Variants in SORCS2 observed in about 807,000 individuals in gnomAD.
The protein encoded by SORCS2 is sortilin related VPS10 domain containing receptor 2, also known as VPS10 domain-containing receptor SorCS2.
A neutral mutation model predicts 141.6 loss-of-function variants in SORCS2; 100 were observed. The ratio of observed to expected loss-of-function variants is 0.71; its 90% CI spans 0.60 to 0.83. The LOEUF is 0.83. Ranked by LOEUF, SORCS2 falls within the 40% of genes least tolerant of loss-of-function variation. The pLI is 0.00. For missense variants in SORCS2, 1,646 were observed against 1,560.2 expected (o/e 1.05, Z -0.93); for synonymous variants, 789 against 676.9 (o/e 1.17, Z -2.57).
chr4:7,507,319 C>T (rs985615200), intron 2 of SORCS2, among the ~76,000 whole-genome samples: 15 of 152,222 alleles, frequency 9.9e-5, no homozygotes, highest in African/African-American at 1.2e-4. Flanking sequence ...GGATTACAGG[C>T]GCGTGCCACC....
chr4:7,531,643 G>C lies in SORCS2; in HGVS notation c.648+14G>C. Reference sequence around the variant, plus strand: ...AACAAGAGGAAGGTAGGTGCTGGCTGGGGGTGGCCGCCACTCTGGCTCTCG... The same window carrying C: ...AACAAGAGGAAGGTAGGTGCTGGCTCGGGGTGGCCGCCACTCTGGCTCTCG... On this transcript the variant is annotated intron_variant, in intron 3 of 26. Coordinates refer to ENST00000507866, the MANE Select transcript of SORCS2 (RefSeq NM_020777.3). The C allele has an allele frequency of 6.2e-7, 1 of 1,609,500 alleles. No homozygotes were observed. Among genetic ancestry groups the C allele is most frequent in the South Asian group, 1.1e-5 (1 of 90,816 alleles).
chr4:7,432,247 G>GGC (rs1399044353), intron 2 of SORCS2: 1 of 152,132 alleles, frequency 6.6e-6, no homozygotes, highest in Non-Finnish European at 1.5e-5. Flanking sequence ...ATAAAAACAC[G>GGC]GCACACGGCA....
intron 1 of SORCS2, among the ~76,000 whole-genome samples, chr4:7,305,113 G>A (rs1717700918): frequency 6.6e-6 from 1 of 150,590 alleles, no homozygotes; most frequent in Non-Finnish European, 1.5e-5. Context: ...CTCACTGCAA[G>A]CTCCGCCTCC....
At chr4:7,385,977 T>G (rs1008168065) in intron 1 of SORCS2, among the ~76,000 whole-genome samples, 1 of 152,210 alleles carries the variant, frequency 6.6e-6, no homozygotes, top group African/African-American at 2.4e-5. Flanking sequence ...CCTCATGTTT[T>G]GGAGGCCAGA....
At chr4:7,455,670 C>G (rs1419154702) in intron 2 of SORCS2, among the ~76,000 whole-genome samples, 3 of 147,824 alleles carry the variant, frequency 2.0e-5, no homozygotes, top group Non-Finnish European at 4.5e-5. Flanking sequence ...TGGGGTCAGG[C>G]TCCGTGTTGG....
intron 1 of SORCS2, among the ~76,000 whole-genome samples, chr4:7,303,443 C>A (rs1012352630): frequency 2.6e-5 from 4 of 152,162 alleles, no homozygotes; most frequent in Non-Finnish European, 5.9e-5. Flanking sequence ...CCTCTATGCC[C>A]CTTTTTAGTT....
At chr4:7,463,655 A>G (rs191342489) in intron 2 of SORCS2, among the ~76,000 whole-genome samples, 24 of 152,308 alleles carry the variant, frequency 1.6e-4, no homozygotes, top group African/African-American at 5.8e-4. Flanking sequence ...AAATAAGATC[A>G]GTGATTTGTG....
rs371939690 is a variant in SORCS2 at position 7,486,452 on chromosome 4, C to T, written c.549-45078C>T. Reference sequence around the variant, plus strand: ...GGACAGGGTCACTGGGCCTGAGTCCCGTGTCTTGCAAGAAGGTCCCATTCA... The same window carrying T: ...GGACAGGGTCACTGGGCCTGAGTCCTGTGTCTTGCAAGAAGGTCCCATTCA... On this transcript the variant is annotated intron_variant, in intron 2 of 26. Transcript: ENST00000507866. Among the ~76,000 whole-genome samples, 8 of 152,286 alleles carry T rather than the reference C, an allele frequency of 5.3e-5. No individual in the cohort carries two copies. The East Asian group carries it at 5.8e-4, about 11-fold the overall frequency.
intron 1 of SORCS2, among the ~76,000 whole-genome samples, chr4:7,372,985 C>T (rs999842728): frequency 6.7e-6 from 1 of 148,856 alleles, no homozygotes; most frequent in Non-Finnish European, 1.5e-5. Flanking sequence ...TCGCCAGCTG[C>T]AGGACATCTT....
At chr4:7,311,575 T>C (rs1306176013) in intron 1 of SORCS2, among the ~76,000 whole-genome samples, 1 of 152,330 alleles carries the variant, frequency 6.6e-6, no homozygotes, top group East Asian at 1.9e-4. Context: ...GTCGTGTTTT[T>C]AGTTTTAGTC....
At chr4:7,235,604 C>T (rs1712211163) in intron 1 of SORCS2, among the ~76,000 whole-genome samples, 1 of 152,142 alleles carries the variant, frequency 6.6e-6, no homozygotes, top group South Asian at 2.1e-4. Context: ...GGGTGGCTTC[C>T]TGGGAAGGGG....
intron 4 of SORCS2, among the ~76,000 whole-genome samples, chr4:7,651,950 G>T (rs1218974574): frequency 6.6e-6 from 1 of 152,206 alleles, no homozygotes; most frequent in Non-Finnish European, 1.5e-5. Flanking sequence ...GGCTGCTTCA[G>T]GGAAGAAAGG....
At position 7,632,491 on chromosome 4, in the gene SORCS2, C is replaced by G. The variant is rs765722219; in HGVS notation, c.649-5837C>G. Among the ~76,000 whole-genome samples, 4 of 152,190 alleles carry G rather than the reference C, an allele frequency of 2.6e-5. No homozygotes were observed. In the East Asian group the frequency reaches 5.8e-4, roughly 22 times the overall value. On this transcript the variant is annotated intron_variant, in intron 3 of 26. Transcript: ENST00000507866. ...TCCCTGTCAGCACCTTCCTCTCCCC[C>G]GTCTTTCCTGGCTCACTCTCCCAAC...
intron 2 of SORCS2, among the ~76,000 whole-genome samples, chr4:7,439,214 G>T (rs979335891): frequency 6.6e-6 from 1 of 152,068 alleles, no homozygotes. Context: ...ACACACGTGT[G>T]TATATGTAAC....
chr4:7,586,175 T>A (rs1437766050), intron 3 of SORCS2, among the ~76,000 whole-genome samples: 1 of 152,214 alleles, frequency 6.6e-6, no homozygotes, highest in Non-Finnish European at 1.5e-5. Flanking sequence ...CTCTCATCTT[T>A]AGGGCCATTT....
chr4:7,470,500 C>A (rs1729908816), intron 2 of SORCS2, among the ~76,000 whole-genome samples: 1 of 152,232 alleles, frequency 6.6e-6, no homozygotes, highest in African/African-American at 2.4e-5. Flanking sequence ...GAGGCTTTAA[C>A]TGCCAGGCAA....
At chr4:7,508,917 G>A (rs1451598422) in intron 2 of SORCS2, among the ~76,000 whole-genome samples, 1 of 152,110 alleles carries the variant, frequency 6.6e-6, no homozygotes, top group Non-Finnish European at 1.5e-5. Context: ...AGTTCTGGAG[G>A]GGGCCCGGCT....
At chr4:7,550,692 C>A (rs1713632290) in intron 3 of SORCS2, among the ~76,000 whole-genome samples, 1 of 152,184 alleles carries the variant, frequency 6.6e-6, no homozygotes, top group Admixed American at 6.5e-5. Context: ...CTTATGAAGG[C>A]AGGAAACTTG....
At chr4:7,262,764 A>G (rs1482618726) in intron 1 of SORCS2, among the ~76,000 whole-genome samples, 3 of 152,324 alleles carry the variant, frequency 2.0e-5, no homozygotes, top group South Asian at 4.1e-4. Context: ...AGCCCTCAGC[A>G]GGGACTCCCT....
Sources: gnomAD v4.1 joint callset for allele counts (sites outside exome capture counted in the v4.1 genomes callset) on GRCh38, gnomAD v4.1.1 for gene constraint, MANE v1.5 for transcripts, NCBI Gene and HGNC (gene_info 2026-07-23, HGNC 2026-07-21) for gene names.